Variants in MORN1 observed in about 807,000 individuals in gnomAD.
The protein encoded by MORN1 is MORN repeat-containing protein 1.
Under a neutral mutation model 61.9 loss-of-function variants are expected in MORN1, and 67 were observed. The observed-to-expected ratio is 1.08, with a 90% CI of 0.89 to 1.33. The LOEUF is 1.33. MORN1 is among the 40% of genes most tolerant of loss of function. MORN1 has a pLI of 0.00. For synonymous variants in MORN1, 301 were observed against 292.0 expected, an observed-to-expected ratio of 1.03 and a Z score of -0.31; for missense variants, 752 against 691.2, an observed-to-expected ratio of 1.09 and a Z score of -0.99.
At chr1:2,331,981 C>A (rs1310426694) in intron 12 of MORN1, 1 of 170,512 alleles carries the variant, frequency 5.9e-6, no homozygotes, top group Non-Finnish European at 1.3e-5. Flanking sequence ...GCCTCTCCCG[C>A]CCCTGCGCCT....
rs1641948523 is a variant in MORN1 at position 2,363,841 on chromosome 1, T to C, written c.746-5126A>G. On this transcript the variant is annotated intron_variant, in intron 8 of 13. Transcript: ENST00000378531. ...ATATATATATAAAAAAAATCAGAGA[T>C]GATAAAATGGAATCATAAAAAATGC... Among the ~76,000 whole-genome samples, 5 of 139,606 alleles carry C rather than the reference T, an allele frequency of 3.6e-5. No homozygotes were observed. In the South Asian group the frequency reaches 1.1e-3, roughly 32 times the overall value. The allele number at this position is 139,606 out of a possible 152,430, so 91.6% of individuals were successfully genotyped here. A position where few individuals can be genotyped will look rare whatever the true frequency, so the allele number is the denominator to read the frequency against.
intron 10 of MORN1, among the ~76,000 whole-genome samples, chr1:2,353,514 G>A (rs1475842803): frequency 6.6e-6 from 1 of 152,280 alleles, no homozygotes; most frequent in East Asian, 1.9e-4. Context: ...GGTAGACAGA[G>A]CTGTGTTCCT....
intron 10 of MORN1, among the ~76,000 whole-genome samples, chr1:2,345,506 G>A (rs1463607154): frequency 2.0e-5 from 3 of 152,216 alleles, no homozygotes; most frequent in Admixed American, 2.0e-4. Flanking sequence ...GGGACCCCCT[G>A]CCCTGCCAGC....
intron 12 of MORN1, among the ~76,000 whole-genome samples, chr1:2,335,612 A>G (rs372603113): frequency 3.3e-5 from 5 of 152,264 alleles, no homozygotes; most frequent in East Asian, 3.9e-4. Flanking sequence ...GGGTCTGTGC[A>G]CCGCGTCACC....
At position 2,387,533 on chromosome 1, in the gene MORN1, C is replaced by A; in HGVS notation, c.248-4G>T. On this transcript the variant is annotated splice_region_variant and splice_polypyrimidine_tract_variant and intron_variant, in intron 3 of 13. Coordinates refer to ENST00000378531, the MANE Select transcript of MORN1 (RefSeq NM_024848.3). ...AACTGTCCAGAGAAGGTGTCTCCTG[C>A]ATGTGGACAAGGAGGAGGGGAGACA... 1 of 1,604,452 alleles carries A rather than the reference C, an allele frequency of 6.2e-7. No individual in the cohort carries two copies. The highest frequency in any genetic ancestry group is 8.5e-7 in the Non-Finnish European group (1 of 1,174,426).
chr1:2,321,428 C>A lies in MORN1; in HGVS notation c.1449G>T (p.Trp483Cys). 1 of 1,540,918 alleles carries A rather than the reference C, an allele frequency of 6.5e-7. No homozygotes were observed. Among genetic ancestry groups the A allele is most frequent in the Non-Finnish European group, 8.8e-7 (1 of 1,142,468 alleles). Reference protein sequence around the residue: ...LEEGPEASSSWQAAHSCTPEP... With the variant: ...LEEGPEASSSCQAAHSCTPEP... ...CTGGGGTGCAGCTGTGGGCGGCCTG[C>A]CAGCTGCTTGAGGCTTCAGGGCCTT... Residue 483 changes from tryptophan (W) to cysteine (C), a missense_variant, in exon 14 of 14, where the codon TGG becomes TGT. Physicochemically the swap from Trp to Cys is radical, Grantham distance 215 (BLOSUM62 -2). Coordinates refer to ENST00000378531, the MANE Select transcript of MORN1 (RefSeq NM_024848.3).
At chr1:2,365,193 G>A (rs1256512821) in intron 8 of MORN1, among the ~76,000 whole-genome samples, 1 of 148,970 alleles carries the variant, frequency 6.7e-6, no homozygotes, top group Non-Finnish European at 1.5e-5. Context: ...CTACCCATGA[G>A]CATGGAATGT....
chr1:2,323,655 G>A, intron 13 of MORN1: 1 of 985,268 alleles, frequency 1.0e-6, no homozygotes, highest in Middle Eastern at 5.2e-4. Context: ...TGTCCCCACA[G>A]CAGCCCCCAC....
At chr1:2,346,950 C>T (rs962157739) in intron 10 of MORN1, among the ~76,000 whole-genome samples, 3 of 152,210 alleles carry the variant, frequency 2.0e-5, no homozygotes, top group Non-Finnish European at 2.9e-5. Flanking sequence ...GTCCCGCTGG[C>T]CAGGGCTGGA....
rs533219267 is a variant in MORN1, at chr1:2,344,860, T to C, written c.1037-8010A>G. Reference sequence around the variant, plus strand: ...AAATGCCAAGTCCCCGAATGCAGAATTCTGCCAGAGGGAGCATGACCGTCT... The same window carrying C: ...AAATGCCAAGTCCCCGAATGCAGAACTCTGCCAGAGGGAGCATGACCGTCT... On this transcript the variant is annotated intron_variant, in intron 10 of 13. Transcript: ENST00000378531. Among the ~76,000 whole-genome samples the C allele has an allele frequency of 2.5e-4, 38 of 152,352 alleles. 1 individual carries two copies. The highest frequency in any genetic ancestry group is 7.9e-4 in the African/African-American group (33 of 41,592).
intron 12 of MORN1, among the ~76,000 whole-genome samples, chr1:2,329,760 G>A (rs1033295253): frequency 6.6e-6 from 1 of 152,230 alleles, no homozygotes; most frequent in African/African-American, 2.4e-5. Context: ...TGGGTCTGTC[G>A]AGGGTCTATT....
chr1:2,358,561 G>C (rs777467699), intron 9 of MORN1, 31 bp downstream of exon 9: 1 of 1,613,614 alleles, frequency 6.2e-7, no homozygotes, highest in African/African-American at 1.3e-5. Context: ...AACAAACTCA[G>C]AACTAACTCA....
chr1:2,328,297 C>G (rs1004839404), intron 12 of MORN1, among the ~76,000 whole-genome samples: 7 of 152,268 alleles, frequency 4.6e-5, no homozygotes, highest in Non-Finnish European at 7.3e-5. Flanking sequence ...CCAGGGGACC[C>G]CCTTCCTGCA....
chr1:2,324,290 G>T, intron 12 of MORN1, 147 bp from the exon 13 acceptor site: 1 of 758,616 alleles, frequency 1.3e-6, no homozygotes, highest in Non-Finnish European at 2.1e-6. Flanking sequence ...TCGGGGCCAT[G>T]GGCAGGACGG....
At chr1:2,340,839 A>G (rs1641379020) in intron 10 of MORN1, among the ~76,000 whole-genome samples, 1 of 152,138 alleles carries the variant, frequency 6.6e-6, no homozygotes, top group Non-Finnish European at 1.5e-5. Context: ...CCATGATGTG[A>G]GGCTGCCACA....
rs917530680 is a variant in MORN1 at position 2,336,992 on chromosome 1, G to A, written c.1037-142C>T. 21 of 1,014,418 alleles carry A rather than the reference G, an allele frequency of 2.1e-5. No individual in the cohort carries two copies. In the African/African-American group the frequency reaches 3.0e-4, roughly 15 times the overall value. The allele number at this position is 1,014,418 out of a possible 1,614,324, so 62.8% of individuals were successfully genotyped here. ...CGCGATGCCATCTTGGTGGGGGCAG[G>A]TCAGGGGGCAGGGACTGTCCATCCT... On this transcript the variant is annotated intron_variant, in intron 10 of 13. Transcript: ENST00000378531.
Position 2,321,532 on chromosome 1 carries a change from C to T in MORN1, c.1345G>A (p.Gly449Arg). 6.5e-7 allele frequency: 1 copy of T among 1,534,598 alleles called. No individual in the cohort carries two copies. The highest frequency in any genetic ancestry group is 8.8e-7 in the Non-Finnish European group (1 of 1,139,800). The change falls in exon 14 of 14, where the codon GGG (glycine) becomes AGG (arginine). Residue 449 changes from glycine to arginine, a missense_variant. Transcript: ENST00000378531. The stretch of plus-strand genomic sequence containing the variant: ...TTGAAGGCCGGGGGCAGCCTGCGCC[C>T]CAGGAACGGCGGGGTGGTCACGTCG... ...IRDVTTPPFLGRRLPPAFKHL... is the reference protein window; with the variant it reads ...IRDVTTPPFLRRRLPPAFKHL...
chr1:2,350,796 G>T, intron 10 of MORN1: 1 of 152,422 alleles, frequency 6.6e-6, no homozygotes, highest in Non-Finnish European at 1.5e-5. Context: ...TCTGTGGCAG[G>T]TGTTTATCCG....
rs369517694 is a variant in MORN1 at position 2,374,882 on chromosome 1, A to G, written c.538-325T>C. 140 of 282,966 alleles carry G rather than the reference A, an allele frequency of 4.9e-4. No individual in the cohort carries two copies. In the South Asian group the frequency reaches 6.8e-3, roughly 14 times the overall value. The allele number at this position is 282,966 out of a possible 1,614,324, so 17.5% of individuals were successfully genotyped here. A position where few individuals can be genotyped will look rare whatever the true frequency, so the allele number is the denominator to read the frequency against. The stretch of plus-strand genomic sequence containing the variant: ...AGCAAAAAAAAAAAATCCTTTTAAT[A>G]CAAAGATATTGTGTTTGTGGCATGT... On this transcript the variant is annotated intron_variant, in intron 6 of 13. Transcript: ENST00000378531.
Sources: allele counts gnomAD v4.1 joint callset (sites outside exome capture counted in the v4.1 genomes callset), GRCh38; gene constraint gnomAD v4.1.1; transcripts MANE v1.5; gene names NCBI Gene and HGNC (gene_info 2026-07-23, HGNC 2026-07-21).